SNX1: variants seen among roughly 807,000 people sequenced by gnomAD.
SNX1 encodes sorting nexin 1.
Under a neutral mutation model 71.8 loss-of-function variants are expected in SNX1, and 36 were observed. The observed-to-expected ratio is 0.50, with a 90% CI of 0.38 to 0.66. The LOEUF (loss-of-function observed/expected upper bound fraction) is 0.66, where lower values mean the gene tolerates loss of function less well. Ranked by LOEUF, SNX1 falls within the 30% of genes least tolerant of loss-of-function variation. The probability of loss-of-function intolerance (pLI) is 0.00; values close to 1 mark genes in which losing one functional copy is unlikely to be tolerated. For missense variants in SNX1, 612 were observed against 646.7 expected (o/e 0.95, Z 0.58); for synonymous variants, 254 against 240.7 (o/e 1.06, Z -0.51).
chr15:64,128,464 T>G (rs2140155078), intron 8 of SNX1, among the ~76,000 whole-genome samples: 1 of 152,356 alleles, frequency 6.6e-6, no homozygotes, highest in East Asian at 1.9e-4. Context: ...GTGAAATGTT[T>G]TATCTCACAG....
intron 2 of SNX1, among the ~76,000 whole-genome samples, chr15:64,117,004 A>G: frequency 6.6e-6 from 1 of 152,196 alleles, no homozygotes. Context: ...TATAGTAAGT[A>G]TAATTTAACC....
At chr15:64,116,920 G>A (rs145576972) in intron 2 of SNX1, among the ~76,000 whole-genome samples, 4 of 152,308 alleles carry the variant, frequency 2.6e-5, no homozygotes, top group Admixed American at 6.5e-5. Context: ...CAGCCCTTAA[G>A]CACTGTTTTT....
At chr15:64,102,726 G>C (rs141242479) in intron 1 of SNX1, among the ~76,000 whole-genome samples, 11 of 142,876 alleles carry the variant, frequency 7.7e-5, no homozygotes, top group African/African-American at 2.6e-4. Context: ...TTTTATGCCT[G>C]AATAATAGTC....
chr15:64,123,696 G>A (rs1347380561), intron 5 of SNX1, 150 bp downstream of exon 5: 1 of 647,412 alleles, frequency 1.5e-6, no homozygotes, highest in Admixed American at 2.7e-5. Flanking sequence ...CATCCCCTTG[G>A]TAATCTCATC....
In SNX1 at chr15:64,131,717, A is replaced by G. The variant is rs1160811213; in HGVS notation, c.1046A>G (p.Lys349Arg). 5.6e-6 allele frequency: 9 copies of G among 1,614,126 alleles called. No individual in the cohort carries two copies. The highest frequency in any genetic ancestry group is 7.6e-6 in the Non-Finnish European group (9 of 1,180,028). ...ELALNTAQFA[K>R]SLAMLGSSED... is the part of the protein sequence containing the mutation. Reference sequence around the variant, plus strand: ...GCGCTGAACACAGCCCAGTTTGCAAAGAGTCTAGCCATGCTTGGGAGCTCT... The same window carrying G: ...GCGCTGAACACAGCCCAGTTTGCAAGGAGTCTAGCCATGCTTGGGAGCTCT... The change falls in exon 11 of 15, where the codon AAG becomes AGG. Residue 349 changes from lysine (K) to arginine (R), a missense_variant. Transcript: ENST00000559844.
rs2081217550 is a variant in SNX1 at position 64,123,610 on chromosome 15, CA to C, written c.510+65del. 42 of 1,301,790 alleles carry C rather than the reference CA, an allele frequency of 3.2e-5. 1 individual carries two copies. In the South Asian group the frequency reaches 5.0e-4, roughly 16 times the overall value. 80.6% of individuals were successfully genotyped at this position (1,301,790 alleles called of 1,614,324 possible). A position where few individuals can be genotyped will look rare whatever the true frequency, so the allele number is the denominator to read the frequency against. ...ACTTTGGTGCTTATACCAAGGTCAT[CA>C]TTCAGATTATTTCTGGGTATCTCCT... On this transcript the variant is annotated intron_variant, in intron 5 of 14. Coordinates refer to ENST00000559844, the MANE Select transcript of SNX1 (RefSeq NM_003099.5).
rs953440343 is a variant in SNX1 at position 64,141,853 on chromosome 15, C to T, written c.*4235C>T. ...GTGGGGCCAGAGCTCAGGAGAGTTT[C>T]GGAACCACTGAGATCGGTCCTTGAT... On this transcript the variant is annotated 3_prime_UTR_variant, in exon 15 of 15. Transcript: ENST00000559844. This position sits in a 1 kb window ranked among gnomAD's most constrained non-coding sequence, Gnocchi z 5.1. 2 of 152,212 alleles carry T rather than the reference C, an allele frequency of 1.3e-5. No homozygotes were observed. The highest frequency in any genetic ancestry group is 4.8e-5 in the African/African-American group (2 of 41,436). 9.4% of individuals were successfully genotyped at this position (152,212 alleles called of 1,614,324 possible). A position where few individuals can be genotyped will look rare whatever the true frequency, so the allele number is the denominator to read the frequency against.
intron 1 of SNX1, among the ~76,000 whole-genome samples, chr15:64,100,429 G>A (rs937757124): frequency 1.3e-5 from 2 of 151,918 alleles, no homozygotes; most frequent in Admixed American, 6.6e-5. Flanking sequence ...GTGAAACCCT[G>A]TTTCTACTAA....
intron 1 of SNX1, among the ~76,000 whole-genome samples, chr15:64,100,783 C>T (rs898034232): frequency 2.6e-5 from 4 of 152,012 alleles, no homozygotes; most frequent in South Asian, 2.1e-4. Flanking sequence ...TAACATCTTG[C>T]GAGAGAAGGC....
At chr15:64,101,612 A>C (rs1026674052) in intron 1 of SNX1, among the ~76,000 whole-genome samples, 1 of 152,152 alleles carries the variant, frequency 6.6e-6, no homozygotes, top group Admixed American at 6.5e-5. Flanking sequence ...ATTCTTTTGG[A>C]TATATATCCA....
Position 64,138,391 on chromosome 15 carries a change from C to G in SNX1, c.*773C>G. The G allele has an allele frequency of 1.9e-6, 1 of 535,112 alleles. No individual in the cohort carries two copies. The highest frequency in any genetic ancestry group is 2.7e-5 in the South Asian group (1 of 36,394). The allele number at this position is 535,112 out of a possible 1,614,324, so 33.1% of individuals were successfully genotyped here. ...CCTTTCTCTTTTATTCTTCCTGCTT[C>G]CCTAAGCTGCTCAGGGTTCTCTGAG... On this transcript the variant is annotated 3_prime_UTR_variant, in exon 15 of 15. Transcript: ENST00000559844.
chr15:64,097,796 A>C (rs997091465), intron 1 of SNX1, among the ~76,000 whole-genome samples: 6 of 152,164 alleles, frequency 3.9e-5, no homozygotes, highest in African/African-American at 1.4e-4. Flanking sequence ...CACAGTAGCT[A>C]CTCAGTGTGT....
At chr15:64,110,222 A>C (rs891040907) in intron 1 of SNX1, among the ~76,000 whole-genome samples, 4 of 152,220 alleles carry the variant, frequency 2.6e-5, no homozygotes, top group Non-Finnish European at 4.4e-5. Flanking sequence ...AGAGAACTAC[A>C]GAAAAAAGAT....
chr15:64,132,698 C>T (rs1762952877), intron 11 of SNX1, among the ~76,000 whole-genome samples: 1 of 152,186 alleles, frequency 6.6e-6, no homozygotes, highest in African/African-American at 2.4e-5. Context: ...AGAGTTAGAA[C>T]AGTGCCCCCC....
Position 64,096,077 on chromosome 15 carries a change from G to T in SNX1, c.64G>T (p.Glu22Ter). 1 of 1,578,698 alleles carries T rather than the reference G, an allele frequency of 6.3e-7. No homozygotes were observed. The part of the protein sequence containing the change: ...ERLPPPFPGL[E>*]PESEGAAGGS... ...ACTGCCTCCGCCCTTCCCCGGCCTG[G>T]AGCCGGAGTCCGAGGGGGCGGCCGG... is the stretch of plus-strand genomic sequence containing the variant. Residue 22 changes from glutamate to a stop codon, truncating the protein, a stop_gained, in exon 1 of 15, where the codon GAG becomes TAG. Coordinates refer to ENST00000559844, the MANE Select transcript of SNX1 (RefSeq NM_003099.5). LOFTEE classifies it high-confidence loss of function.
Position 64,129,927 on chromosome 15 carries a change from C to T in SNX1, c.819C>T (p.Ala273=), listed in dbSNP as rs746093841. The change falls in exon 9 of 15, where the codon GCC becomes GCT. Residue 273 remains alanine, a synonymous_variant. Coordinates refer to ENST00000559844, the MANE Select transcript of SNX1 (RefSeq NM_003099.5). The surrounding 1 kb of genome is among the most constrained non-coding windows in gnomAD (Gnocchi z 4.4). ...EFLEKEELPR[A]VGTQTLSGAG... Reference sequence around the variant, plus strand: ...TCTTGGTCTTGTAGCTGCCACGTGCCGTGGGTACCCAGACATTGAGTGGTG... The same window carrying T: ...TCTTGGTCTTGTAGCTGCCACGTGCTGTGGGTACCCAGACATTGAGTGGTG... 21 of 1,613,718 alleles carry T rather than the reference C, an allele frequency of 1.3e-5. No individual in the cohort carries two copies. The highest frequency in any genetic ancestry group is 2.2e-5 in the East Asian group (1 of 44,892).
chr15:64,136,230 G>C, intron 12 of SNX1, 100 bp from the exon 13 acceptor site: 1 of 871,610 alleles, frequency 1.1e-6, no homozygotes. Context: ...CAGACATAAT[G>C]ATCAATTGAG....
chr15:64,143,056 G>T lies in SNX1; in HGVS notation c.*5438G>T. On this transcript the variant is annotated 3_prime_UTR_variant, in exon 15 of 15. Transcript: ENST00000559844. ...CCCACGGGAAGCCCATAGACTTCAA[G>T]GACATCAAGCCCCAAGGTGGTGGGA... The T allele has an allele frequency of 5.3e-6, 1 of 187,052 alleles. No homozygotes were observed. The highest frequency in any genetic ancestry group is 1.1e-5 in the Non-Finnish European group (1 of 89,332). 11.6% of individuals were successfully genotyped at this position (187,052 alleles called of 1,614,324 possible).
chr15:64,117,599 A>G (rs2081143618), intron 2 of SNX1, among the ~76,000 whole-genome samples: 1 of 152,178 alleles, frequency 6.6e-6, no homozygotes, highest in Admixed American at 6.5e-5. Flanking sequence ...GGCTCATATA[A>G]TGTTCTAAAG....
Sources: gnomAD v4.1 joint callset for allele counts (sites outside exome capture counted in the v4.1 genomes callset) on GRCh38, gnomAD v4.1.1 for gene constraint, Gnocchi (gnomAD v3.1) non-coding constraint, MANE v1.5 for transcripts, NCBI Gene and HGNC (gene_info 2026-07-23, HGNC 2026-07-21) for gene names.